Variants in TBX3 observed in about 807,000 individuals in gnomAD.
TBX3 encodes T-box transcription factor 3.
TBX3 carries 11 observed loss-of-function variants against 47.8 expected under a neutral mutation model. The observed-to-expected ratio is 0.23, with a 90% CI of 0.14 to 0.38. TBX3 has a LOEUF of 0.38. Ranked by LOEUF, TBX3 falls within the 10% of genes least tolerant of loss-of-function variation. The pLI is 1.00. For synonymous variants in TBX3, 500 were observed against 449.3 expected (o/e 1.11, Z -1.43); for missense variants, 927 against 1,022.8 (o/e 0.91, Z 1.28).
At chr12:114,677,774 A>C in intron 3 of TBX3, 118 bp from the exon 4 acceptor site, 1 of 912,960 alleles carries the variant, frequency 1.1e-6, no homozygotes, top group Non-Finnish European at 1.8e-6. Context: ...AGTCATATAG[A>C]TATGCCAGGG....
chr12:114,674,521 C>T lies in TBX3; in HGVS notation c.1354G>A (p.Ala452Thr), dbSNP rs1302202171. ...GCGAAGGCCTCCTTGCCCGGGAGCG[C>T]GCGCGCCTCTTCCACCTTGGCCGGC... ...TAPAKVEEAR[A>T]LPGKEAFAPL... Residue 452 changes from alanine to threonine, a missense_variant, in exon 6 of 7, where the codon GCG becomes ACG. Physicochemically the swap from Ala to Thr is moderately conservative, Grantham distance 58 (BLOSUM62 0). Coordinates refer to ENST00000349155, the MANE Select transcript of TBX3 (RefSeq NM_005996.4). The T allele has an allele frequency of 2.0e-6, 3 of 1,515,444 alleles. No homozygotes were observed. Among genetic ancestry groups the T allele is most frequent in the East Asian group, 2.4e-5 (1 of 40,846 alleles). The allele number at this position is 1,515,444 out of a possible 1,614,324, so 93.9% of individuals were successfully genotyped here. A position where few individuals can be genotyped will look rare whatever the true frequency, so the allele number is the denominator to read the frequency against.
At position 114,680,952 on chromosome 12, in the gene TBX3, T is replaced by C; in HGVS notation, c.584A>G (p.Glu195Gly). The C allele has an allele frequency of 6.2e-7, 1 of 1,614,180 alleles. No homozygotes were observed. The highest frequency in any genetic ancestry group is 2.2e-5 in the East Asian group (1 of 44,880). Residue 195 changes from glutamate to glycine, a missense_variant, in exon 2 of 7, where the codon GAA (glutamate) becomes GGA (glycine). By Grantham distance (98) the Glu-to-Gly change is moderately conservative (BLOSUM62 -2). Coordinates refer to ENST00000349155, the MANE Select transcript of TBX3 (RefSeq NM_005996.4). ...YIHPDSPATG[E>G]QWMSKVVTFH... ...AGTGACGACTTTGGACATCCACTGTTCCCCAGTAGCGGGGCTGTCCGGGTG... is the reference window on the plus strand; with the variant it reads ...AGTGACGACTTTGGACATCCACTGTCCCCCAGTAGCGGGGCTGTCCGGGTG...
In TBX3 at chr12:114,680,882, T is replaced by A; in HGVS notation, c.654A>T (p.Gly218=). 1 of 1,614,106 alleles carries A rather than the reference T, an allele frequency of 6.2e-7. No homozygotes were observed. The change falls in exon 2 of 7, where the codon GGA becomes GGT. Residue 218 remains glycine, a synonymous_variant. Coordinates refer to ENST00000349155, the MANE Select transcript of TBX3 (RefSeq NM_005996.4). ...TGAAGAGAGCAATGAAACTTACAAA[T>A]CCATGTTTGTCTGAAATGTTGTTGG... ...KLTNNISDKH[G]FTILNSMHKY...
In TBX3 at chr12:114,674,374, G is replaced by T. The variant is rs535507808; in HGVS notation, c.1501C>A (p.His501Asn). ...CCCCCCATGGCAAACTGGCTGGGGT[G>T]CAGGAAGAGCGGGTGCCCGTTGAAG... ...QFFNGHPLFL[H>N]PSQFAMGGAF... The change falls in exon 6 of 7, where the codon CAC (histidine) becomes AAC (asparagine). Residue 501 changes from histidine to asparagine, a missense_variant. Transcript: ENST00000349155. 1.3e-6 allele frequency: 2 copies of T among 1,554,036 alleles called. No individual in the cohort carries two copies. Among genetic ancestry groups the T allele is most frequent in the Non-Finnish European group, 1.7e-6 (2 of 1,149,096 alleles).
intron 2 of TBX3, chr12:114,679,955 A>T: frequency 6.2e-7 from 1 of 1,614,174 alleles, no homozygotes. Context: ...TAGCGTGATC[A>T]CTTGGGAAGG....
Position 114,676,336 on chromosome 12 carries a change from G to T in TBX3, c.1016C>A (p.Thr339Asn), listed in dbSNP as rs370684735. ...ACCTTTGAGGTTCGATGTCCCTACA[G>T]TGGAGGCGGCTGGAGAAGAAGCCTG... The part of the protein sequence containing the change: ...FAQASSPAAS[T>N]VGTSNLKDLC... The change falls in exon 5 of 7, where the codon ACT becomes AAT. Residue 339 changes from threonine (T) to asparagine (N), a missense_variant. Thr to Asn is a moderately conservative substitution (Grantham distance 65). Around this residue, in one of 5 missense-constraint regions of TBX3, gnomAD observed 44 missense variants for 59.3 expected, o/e 0.74. Transcript: ENST00000349155. 6.2e-6 allele frequency: 10 copies of T among 1,614,006 alleles called. No homozygotes were observed. Among genetic ancestry groups the T allele is most frequent in the African/African-American group, 2.7e-5 (2 of 74,936 alleles).
chr12:114,680,686 T>C (rs1592850908), intron 2 of TBX3, 193 bp downstream of exon 2: 2 of 810,670 alleles, frequency 2.5e-6, no homozygotes, highest in East Asian at 5.3e-5. Context: ...TCTTGCCCCA[T>C]TTCTTTTAGA....
chr12:114,671,496 A>G lies in TBX3; in HGVS notation c.*345T>C. 2.4e-6 allele frequency: 1 copy of G among 422,640 alleles called. No homozygotes were observed. The highest frequency in any genetic ancestry group is 4.3e-6 in the Non-Finnish European group (1 of 232,478). The allele number at this position is 422,640 out of a possible 1,614,324, so 26.2% of individuals were successfully genotyped here. A position where few individuals can be genotyped will look rare whatever the true frequency, so the allele number is the denominator to read the frequency against. ...AAAATATATATATAAATCCGCACTG[A>G]GGGAGATGTCTTTGAACACCTCCCC... On this transcript the variant is annotated 3_prime_UTR_variant, in exon 7 of 7. Transcript: ENST00000349155.
At position 114,684,059 on chromosome 12, in the gene TBX3, AAGAG is replaced by A. The variant is rs1372370223; in HGVS notation, c.-863_-860del. On this transcript the variant is annotated 5_prime_UTR_variant, in exon 1 of 7. Transcript: ENST00000349155. The stretch of plus-strand genomic sequence containing the variant: ...AGGGGGAAAAAATGGAACAGAGGGA[AAGAG>A]AGGGAGGGGAGAGAGAGAGAGAGAG... 5.0e-6 allele frequency: 1 copy of A among 199,708 alleles called. No individual in the cohort carries two copies. Among genetic ancestry groups the A allele is most frequent in the Admixed American group, 7.7e-5 (1 of 12,974 alleles). 12.4% of individuals were successfully genotyped at this position (199,708 alleles called of 1,614,324 possible). A position where few individuals can be genotyped will look rare whatever the true frequency, so the allele number is the denominator to read the frequency against.
Position 114,674,473 on chromosome 12 carries a change from C to T in TBX3, c.1402G>A (p.Ala468Thr), listed in dbSNP as rs1428684030. 3 of 1,539,788 alleles carry T rather than the reference C, an allele frequency of 1.9e-6. No individual in the cohort carries two copies. Among genetic ancestry groups the T allele is most frequent in the East Asian group, 2.5e-5 (1 of 40,660 alleles). ...AFAPLTVQTD[A>T]AAAHLAQGPL... is the part of the protein sequence containing the mutation. ...CCCTGGGCCAGGTGCGCGGCGGCCGCGTCCGTCTGCACCGTGAGCGGCGCG... is the reference window on the plus strand; with the variant it reads ...CCCTGGGCCAGGTGCGCGGCGGCCGTGTCCGTCTGCACCGTGAGCGGCGCG... The change falls in exon 6 of 7, where the codon GCG (alanine) becomes ACG (threonine). Residue 468 changes from alanine to threonine, a missense_variant. By Grantham distance (58) the Ala-to-Thr change is moderately conservative. Around this residue, in one of 5 missense-constraint regions of TBX3, gnomAD observed 623 missense variants for 569.0 expected, o/e 1.09. Transcript: ENST00000349155.
At chr12:114,672,624 G>A (rs2121378981) in intron 6 of TBX3, among the ~76,000 whole-genome samples, 2 of 152,152 alleles carry the variant, frequency 1.3e-5, no homozygotes, top group Middle Eastern at 6.8e-3. Context: ...GGACTTTGTA[G>A]ATATTAAATG....
rs757250778 is a variant in TBX3, at chr12:114,674,175, A to G, written c.1700T>C (p.Leu567Pro). The change falls in exon 6 of 7, where the codon CTG becomes CCG. Residue 567 changes from leucine (L) to proline (P), a missense_variant. Physicochemically the swap from Leu to Pro is moderately conservative, Grantham distance 98. Around this residue, in one of 5 missense-constraint regions of TBX3, gnomAD observed 623 missense variants for 569.0 expected, o/e 1.09. Coordinates refer to ENST00000349155, the MANE Select transcript of TBX3 (RefSeq NM_005996.4). ...AAGAAGGATCCATACCTGAGAGGCC[A>G]GGACGTGCTGCTGGAGGTGGAAGGG... ...TLPFHLQQHV[L>P]ASQGLAMSPF... The G allele has an allele frequency of 3.2e-6, 5 of 1,583,522 alleles. No individual in the cohort carries two copies. The South Asian group carries it at 5.8e-5, about 18-fold the overall frequency.
rs3741699 is a variant in TBX3 at position 114,671,444 on chromosome 12, T to G, written c.*397A>C. The G allele has an allele frequency of 8.3e-4, 243 of 291,116 alleles. 2 individuals are homozygous for G. The East Asian group carries it at 0.012, about 14-fold the overall frequency. 18.0% of individuals were successfully genotyped at this position (291,116 alleles called of 1,614,324 possible). Reference sequence around the variant, plus strand: ...GATTTTTTTTTTGAAAGATTTTGTTTTTGTTTCCACTTGACACAGTGAAGG... The same window carrying G: ...GATTTTTTTTTTGAAAGATTTTGTTGTTGTTTCCACTTGACACAGTGAAGG... On this transcript the variant is annotated 3_prime_UTR_variant, in exon 7 of 7. Transcript: ENST00000349155.
At position 114,670,370 on chromosome 12, in the gene TBX3, T is replaced by C. The variant is rs1235479618; in HGVS notation, c.*1471A>G. On this transcript the variant is annotated 3_prime_UTR_variant, in exon 7 of 7. Transcript: ENST00000349155. The stretch of plus-strand genomic sequence containing the variant: ...AACACAAAATATACCTTCATGAATT[T>C]GTCTTTAAACCATCTCTCAGCACCT... 4.5e-6 allele frequency: 1 copy of C among 224,054 alleles called. No individual in the cohort carries two copies. Among genetic ancestry groups the C allele is most frequent in the East Asian group, 6.5e-5 (1 of 15,416 alleles). 13.9% of individuals were successfully genotyped at this position (224,054 alleles called of 1,614,324 possible).
rs763473739 is a variant in TBX3, at chr12:114,672,230, A to C, written c.1783T>G (p.Ser595Ala). The change falls in exon 7 of 7, where the codon TCC (serine) becomes GCC (alanine). Residue 595 changes from serine to alanine, a missense_variant. Ser to Ala is a moderately conservative substitution (Grantham distance 99, BLOSUM62 1). Coordinates refer to ENST00000349155, the MANE Select transcript of TBX3 (RefSeq NM_005996.4). ...ACCGAGCTGGAGGCTGCCGCAGAGG[A>C]GGCGGCCGCCGCTGCGGCCATGTAC... is the stretch of plus-strand genomic sequence containing the variant. ...YTYMAAAAAA[S>A]SAAASSSVHR... The C allele has an allele frequency of 5.0e-4, 791 of 1,574,128 alleles. 2 individuals are homozygous for C. The highest frequency in any genetic ancestry group is 6.1e-4 in the Non-Finnish European group (706 of 1,161,010).
At chr12:114,673,531 A>G (rs1592847301) in intron 6 of TBX3, among the ~76,000 whole-genome samples, 1 of 152,090 alleles carries the variant, frequency 6.6e-6, no homozygotes. Flanking sequence ...GGGGGTGGGG[A>G]GAAGAGCTTC....
rs1168839951 is a variant in TBX3, at chr12:114,670,986, A to G, written c.*855T>C. 1 of 207,720 alleles carries G rather than the reference A, an allele frequency of 4.8e-6. No individual in the cohort carries two copies. Among genetic ancestry groups the G allele is most frequent in the African/African-American group, 2.3e-5 (1 of 44,024 alleles). 12.9% of individuals were successfully genotyped at this position (207,720 alleles called of 1,614,324 possible). A position where few individuals can be genotyped will look rare whatever the true frequency, so the allele number is the denominator to read the frequency against. On this transcript the variant is annotated 3_prime_UTR_variant, in exon 7 of 7. Transcript: ENST00000349155. ...TTTTTTTAAAACCTTGTTATTGCAT[A>G]TACAGGAAAGAGAAAGAACTGTCAA...
chr12:114,679,819 A>T, intron 2 of TBX3, 168 bp from the exon 3 acceptor site: 1 of 1,545,148 alleles, frequency 6.5e-7, no homozygotes, highest in Non-Finnish European at 8.9e-7. Context: ...CACAGATGTT[A>T]TCTTCTGGAG....
chr12:114,683,103 A>C lies in TBX3; in HGVS notation c.98T>G (p.Val33Gly), dbSNP rs1592852048. ...HRAPDFAMSA[V>G]LGHQPPFFPA... is the part of the protein sequence containing the mutation. ...GAAGAACGGCGGCTGGTGACCCAGCACCGCGCTCATGGCGAAGTCCGGCGC... is the reference window on the plus strand; with the variant it reads ...GAAGAACGGCGGCTGGTGACCCAGCCCCGCGCTCATGGCGAAGTCCGGCGC... Residue 33 changes from valine to glycine, a missense_variant, in exon 1 of 7, where the codon GTG (valine) becomes GGG (glycine). Transcript: ENST00000349155. This position sits in a 1 kb window ranked among gnomAD's most constrained non-coding sequence, Gnocchi z 7.7. The C allele has an allele frequency of 6.2e-7, 1 of 1,612,442 alleles. No individual in the cohort carries two copies. The highest frequency in any genetic ancestry group is 8.5e-7 in the Non-Finnish European group (1 of 1,179,490).
Sources: allele counts gnomAD v4.1 joint callset (sites outside exome capture counted in the v4.1 genomes callset), GRCh38; gene constraint gnomAD v4.1.1; regional missense constraint gnomAD v4.1.1; non-coding constraint Gnocchi (gnomAD v3.1); transcripts MANE v1.5; gene names NCBI Gene and HGNC (gene_info 2026-07-23, HGNC 2026-07-21).